Variants in EEF2KMT observed in about 807,000 individuals in gnomAD.
The protein encoded by EEF2KMT is protein-lysine N-methyltransferase EEF2KMT.
In EEF2KMT, 30 loss-of-function variants were observed where a neutral mutation model predicts 35.1. The ratio of observed to expected loss-of-function variants is 0.85; its 90% CI spans 0.64 to 1.16. The LOEUF is 1.16. Ranked by LOEUF, EEF2KMT falls within the 50% of genes most tolerant of loss-of-function variation. EEF2KMT has a pLI of 0.00. For missense variants in EEF2KMT, 499 were observed against 438.2 expected (o/e 1.14, Z -1.24); for synonymous variants, 190 against 187.7 (o/e 1.01, Z -0.10).
chr16:5,091,623 GA>G (rs1300618519), intron 4 of EEF2KMT, among the ~76,000 whole-genome samples, 170 bp downstream of exon 4: 1 of 152,246 alleles, frequency 6.6e-6, no homozygotes, highest in African/African-American at 2.4e-5. Flanking sequence ...TGTTGTTGTT[GA>G]AGTGCCTGAT....
At chr16:5,097,440 TC>T in intron 1 of EEF2KMT, 1 of 1,405,834 alleles carries the variant, frequency 7.1e-7, no homozygotes, top group Non-Finnish European at 9.4e-7. Context: ...GCCCCCAGCT[TC>T]CCCCGCCAGC....
intron 7 of EEF2KMT, among the ~76,000 whole-genome samples, chr16:5,088,090 T>C (rs1957249467): frequency 2.0e-5 from 3 of 151,944 alleles, no homozygotes; most frequent in Non-Finnish European, 4.4e-5. Flanking sequence ...TACAGGCGTG[T>C]GCAACCACAT....
chr16:5,085,012 G>T lies in EEF2KMT; in HGVS notation c.*620C>A. 1 of 1,502,064 alleles carries T rather than the reference G, an allele frequency of 6.7e-7. No individual in the cohort carries two copies. Among genetic ancestry groups the T allele is most frequent in the Non-Finnish European group, 9.1e-7 (1 of 1,100,348 alleles). 93.0% of individuals were successfully genotyped at this position (1,502,064 alleles called of 1,614,324 possible). On this transcript the variant is annotated 3_prime_UTR_variant, in exon 8 of 8. Coordinates refer to ENST00000427587, the MANE Select transcript of EEF2KMT (RefSeq NM_201400.4). ...AAGCTGAAATGACAGCAGTGGTACT[G>T]CCTGGTAAAAGAATTGGTTCTGTGA... is the stretch of plus-strand genomic sequence containing the variant.
At chr16:5,091,036 G>A (rs1170286143) in intron 4 of EEF2KMT, among the ~76,000 whole-genome samples, 3 of 151,260 alleles carry the variant, frequency 2.0e-5, no homozygotes, top group Admixed American at 6.6e-5. Context: ...TGCCTCAGCC[G>A]CCCAGGTAGC....
At chr16:5,093,449 G>A in intron 3 of EEF2KMT, 35 bp downstream of exon 3, 1 of 1,611,856 alleles carries the variant, frequency 6.2e-7, no homozygotes, top group Non-Finnish European at 8.5e-7. Flanking sequence ...TGGCTATGCT[G>A]TCCGGCTACT....
chr16:5,095,306 C>T, intron 2 of EEF2KMT, 146 bp downstream of exon 2: 1 of 1,233,110 alleles, frequency 8.1e-7, no homozygotes, highest in South Asian at 1.3e-5. Flanking sequence ...GGTGCTGACA[C>T]CCACCTGCAG....
chr16:5,093,527 G>A lies in EEF2KMT; in HGVS notation c.197C>T (p.Ser66Phe). The A allele has an allele frequency of 1.9e-6, 3 of 1,612,042 alleles. No individual in the cohort carries two copies. Among genetic ancestry groups the A allele is most frequent in the Non-Finnish European group, 2.5e-6 (3 of 1,179,860 alleles). The change falls in exon 3 of 8, where the codon TCC becomes TTC. Residue 66 changes from serine (S) to phenylalanine (F), a missense_variant. Transcript: ENST00000427587. The stretch of plus-strand genomic sequence containing the variant: ...GAGAAAGCACCGGGCATATTTGACG[G>A]ACGGCGGGTGCTTCACACACACAGG... ...KHPVCVKHPP[S>F]VKYARCFLSE...
intron 2 of EEF2KMT, 30 bp from the exon 3 acceptor site, chr16:5,093,594 C>T (rs746199649): frequency 2.3e-5 from 37 of 1,611,672 alleles, no homozygotes; most frequent in Middle Eastern, 4.5e-4. Context: ...GTTGGTTGCT[C>T]GAGAGCCCGT....
chr16:5,095,715 T>C (rs7203138), intron 1 of EEF2KMT, among the ~76,000 whole-genome samples: 107,855 of 151,586 alleles, frequency 0.71, 38,635 homozygotes, highest in Middle Eastern at 0.79. Flanking sequence ...AAGGCTGACT[T>C]TTGGCCACAT....
chr16:5,092,133 C>G (rs545086778), intron 3 of EEF2KMT, among the ~76,000 whole-genome samples: 4 of 150,926 alleles, frequency 2.7e-5, no homozygotes, highest in African/African-American at 9.7e-5. Context: ...GCCTGGGCAA[C>G]AGAGACCTTG....
chr16:5,097,194 G>A, intron 1 of EEF2KMT: 4 of 907,936 alleles, frequency 4.4e-6, no homozygotes, highest in South Asian at 3.3e-5. Context: ...AGCCGATTCT[G>A]TGCAGTGCTC....
chr16:5,092,992 T>C (rs1220887104), intron 3 of EEF2KMT, among the ~76,000 whole-genome samples: 2 of 152,068 alleles, frequency 1.3e-5, no homozygotes, highest in African/African-American at 2.4e-5. Context: ...AAAATAAAAT[T>C]CATCCTTTAT....
At position 5,089,217 on chromosome 16, in the gene EEF2KMT, C is replaced by G. The variant is rs754458861; in HGVS notation, c.782G>C (p.Gly261Ala). ...GCAGGCAGCCAGCCTCCGCAGGACCCCGACCAGCGACATGATGGCTTCTGG... is the reference window on the plus strand; with the variant it reads ...GCAGGCAGCCAGCCTCCGCAGGACCGCGACCAGCGACATGATGGCTTCTGG... ...YCPEAIMSLVGVLRRLAACRE... is the reference protein window; with the variant it reads ...YCPEAIMSLVAVLRRLAACRE... Residue 261 changes from glycine (G) to alanine (A), a missense_variant, in exon 7 of 8, where the codon GGG (glycine) becomes GCG (alanine). Coordinates refer to ENST00000427587, the MANE Select transcript of EEF2KMT (RefSeq NM_201400.4). 1 of 1,608,078 alleles carries G rather than the reference C, an allele frequency of 6.2e-7. No individual in the cohort carries two copies. The highest frequency in any genetic ancestry group is 8.5e-7 in the Non-Finnish European group (1 of 1,179,822).
Position 5,087,609 on chromosome 16 carries a change from C to G in EEF2KMT, c.892+1498G>C, listed in dbSNP as rs555713796. 1.5e-3 allele frequency among the ~76,000 whole-genome samples: 235 copies of G among 152,132 alleles called. 1 individual carries two copies. Among genetic ancestry groups the G allele is most frequent in the African/African-American group, 5.3e-3 (220 of 41,516 alleles). On this transcript the variant is annotated intron_variant, in intron 7 of 7. Transcript: ENST00000427587. ...GGTCAGGAGTTCAAGACCAGCCTGGCCAACATGGCGAAACCTCAACTCTAC... is the reference window on the plus strand; with the variant it reads ...GGTCAGGAGTTCAAGACCAGCCTGGGCAACATGGCGAAACCTCAACTCTAC...
chr16:5,087,292 A>C (rs1403767623), intron 7 of EEF2KMT: 4 of 152,242 alleles, frequency 2.6e-5, no homozygotes, highest in African/African-American at 7.2e-5. Context: ...CAAGTTGGAC[A>C]AGACTGCTAT....
chr16:5,095,753 G>A (rs1293831896), intron 1 of EEF2KMT, among the ~76,000 whole-genome samples: 2 of 149,038 alleles, frequency 1.3e-5, no homozygotes, highest in Admixed American at 6.8e-5. Context: ...CGGCCACCCG[G>A]GTCATGGGCC....
At chr16:5,096,337 T>C (rs1957463869) in intron 1 of EEF2KMT, among the ~76,000 whole-genome samples, 2 of 152,226 alleles carry the variant, frequency 1.3e-5, no homozygotes, top group African/African-American at 4.8e-5. Context: ...TGGTCTTTTC[T>C]TGTTTATTTA....
Position 5,084,579 on chromosome 16 carries a change from A to G in EEF2KMT, c.*1053T>C. The G allele has an allele frequency of 2.9e-6, 3 of 1,046,118 alleles. No individual in the cohort carries two copies. Among genetic ancestry groups the G allele is most frequent in the Non-Finnish European group, 4.2e-6 (3 of 710,916 alleles). The allele number at this position is 1,046,118 out of a possible 1,614,324, so 64.8% of individuals were successfully genotyped here. On this transcript the variant is annotated 3_prime_UTR_variant, in exon 8 of 8. Coordinates refer to ENST00000427587, the MANE Select transcript of EEF2KMT (RefSeq NM_201400.4). ...GGAAGTTTCCAGAAACTGTGATGTC[A>G]AGTTGGAGGCGGAGTGCTGCTGGGG... is the stretch of plus-strand genomic sequence containing the variant.
chr16:5,095,692 G>T (rs1007570710), intron 1 of EEF2KMT, among the ~76,000 whole-genome samples, 178 bp from the exon 2 acceptor site: 11 of 152,152 alleles, frequency 7.2e-5, no homozygotes, highest in Non-Finnish European at 1.2e-4. Flanking sequence ...GCACCTGGAT[G>T]AGTCACAGGA....
Sources: gnomAD v4.1 joint callset for allele counts (sites outside exome capture counted in the v4.1 genomes callset) on GRCh38, gnomAD v4.1.1 for gene constraint, MANE v1.5 for transcripts, NCBI Gene and HGNC (gene_info 2026-07-23, HGNC 2026-07-21) for gene names.